Variants in CTNNA2 observed in about 807,000 individuals in gnomAD.
CTNNA2 encodes catenin alpha 2, also known as catenin alpha-2.
Under a neutral mutation model 101.0 loss-of-function variants are expected in CTNNA2, and 42 were observed. The observed-to-expected ratio is 0.42, with a 90% CI of 0.32 to 0.54. The LOEUF is 0.54. Ranked by LOEUF, CTNNA2 falls within the 20% of genes least tolerant of loss-of-function variation. The pLI is 0.14. For synonymous variants in CTNNA2, 450 were observed against 456.4 expected (o/e 0.99, Z 0.18); for missense variants, 871 against 1,223.1 (o/e 0.71, Z 4.29).
chr2:79,745,634 C>G (rs796320317), intron 3 of CTNNA2, among the ~76,000 whole-genome samples: 1 of 152,194 alleles, frequency 6.6e-6, no homozygotes, highest in Non-Finnish European at 1.5e-5. Context: ...CTTTCTTTTT[C>G]TATGAATTTG....
intron 3 of CTNNA2, among the ~76,000 whole-genome samples, chr2:79,349,937 G>T (rs1323021499): frequency 6.6e-6 from 1 of 151,904 alleles, no homozygotes; most frequent in South Asian, 2.1e-4. Flanking sequence ...AGCCAGGCGT[G>T]GTGGCGGGCG....
chr2:79,413,556 T>C (rs1444025460), intron 4 of CTNNA2, among the ~76,000 whole-genome samples: 1 of 152,094 alleles, frequency 6.6e-6, no homozygotes, highest in Non-Finnish European at 1.5e-5. Context: ...ACATATTCAT[T>C]TCATTTCTTT....
intron 5 of CTNNA2, among the ~76,000 whole-genome samples, chr2:79,872,503 A>G (rs1323777009): frequency 6.6e-6 from 1 of 152,212 alleles, no homozygotes; most frequent in Non-Finnish European, 1.5e-5. Flanking sequence ...ATCATTGCCC[A>G]GTAGAGAATA....
intron 9 of CTNNA2, among the ~76,000 whole-genome samples, chr2:80,449,177 C>T (rs375336790): frequency 4.6e-5 from 7 of 151,932 alleles, no homozygotes; most frequent in African/African-American, 1.7e-4. Context: ...TCTGAGAGGC[C>T]GAGGCAGGAG....
chr2:80,507,846 A>C (rs17261683), intron 9 of CTNNA2, among the ~76,000 whole-genome samples: 32,268 of 152,156 alleles, frequency 0.21, 3,850 homozygotes, highest in Middle Eastern at 0.28. Flanking sequence ...AACAAATTTG[A>C]GTCAAATAGA....
At chr2:80,168,255 A>T (rs1170970300) in intron 7 of CTNNA2, among the ~76,000 whole-genome samples, 1 of 152,144 alleles carries the variant, frequency 6.6e-6, no homozygotes, top group Non-Finnish European at 1.5e-5. Flanking sequence ...ATGATCCTGG[A>T]AGACTCTCTG....
At chr2:80,235,532 G>C (rs1429446225) in intron 7 of CTNNA2, among the ~76,000 whole-genome samples, 2 of 152,228 alleles carry the variant, frequency 1.3e-5, no homozygotes, top group African/African-American at 4.8e-5. Context: ...TGGCTCCTTT[G>C]TGTCAGTTGG....
At chr2:79,725,121 G>A (rs958248112) in intron 2 of CTNNA2, among the ~76,000 whole-genome samples, 2 of 152,142 alleles carry the variant, frequency 1.3e-5, no homozygotes, top group African/African-American at 4.8e-5. Flanking sequence ...TCAATTCCAT[G>A]ATGATATATG....
intron 2 of CTNNA2, among the ~76,000 whole-genome samples, chr2:79,218,039 C>A (rs551403473): frequency 6.6e-6 from 1 of 152,350 alleles, no homozygotes; most frequent in Non-Finnish European, 1.5e-5. Flanking sequence ...TCAGGCAATT[C>A]ACTTAAAGTG....
At chr2:80,642,875 A>T (rs1335169995) in intron 18 of CTNNA2, among the ~76,000 whole-genome samples, 1 of 152,176 alleles carries the variant, frequency 6.6e-6, no homozygotes, top group African/African-American at 2.4e-5. Flanking sequence ...CTTTCTGCCC[A>T]TTCAAAACAC....
intron 3 of CTNNA2, among the ~76,000 whole-genome samples, chr2:79,749,078 A>C (rs1671834656): frequency 2.0e-5 from 3 of 152,128 alleles, no homozygotes. Context: ...TTCACGTATC[A>C]CCATTTACCT....
At chr2:79,359,433 T>C (rs1677577381) in intron 3 of CTNNA2, among the ~76,000 whole-genome samples, 1 of 152,154 alleles carries the variant, frequency 6.6e-6, no homozygotes, top group Non-Finnish European at 1.5e-5. Context: ...TCAAAAATGG[T>C]GTCTGAGATT....
At chr2:80,059,675 C>T (rs1021970008) in intron 7 of CTNNA2, among the ~76,000 whole-genome samples, 1 of 152,216 alleles carries the variant, frequency 6.6e-6, no homozygotes, top group Non-Finnish European at 1.5e-5. Context: ...GGAGTCAAGA[C>T]AGTGGCGGCA....
intron 4 of CTNNA2, among the ~76,000 whole-genome samples, chr2:79,414,803 C>T (rs1167106723): frequency 6.6e-6 from 1 of 152,028 alleles, no homozygotes; most frequent in Non-Finnish European, 1.5e-5. Flanking sequence ...CATTAACCAC[C>T]ACACAGGGGA....
At chr2:80,099,845 A>G (rs1167697860) in intron 7 of CTNNA2, among the ~76,000 whole-genome samples, 3 of 152,170 alleles carry the variant, frequency 2.0e-5, no homozygotes, top group Non-Finnish European at 2.9e-5. Flanking sequence ...GGAAGAACCA[A>G]GAGAGACAGT....
At chr2:80,298,731 G>A (rs1219340536) in intron 7 of CTNNA2, 1 of 152,206 alleles carries the variant, frequency 6.6e-6, no homozygotes, top group East Asian at 1.9e-4. Context: ...GAGTTCAGAA[G>A]AATATTTTTA....
At chr2:79,197,123 T>C (rs188504676) in intron 1 of CTNNA2, among the ~76,000 whole-genome samples, 90 of 152,312 alleles carry the variant, frequency 5.9e-4, no homozygotes, top group African/African-American at 2.0e-3. Flanking sequence ...CAATATTATC[T>C]CTTTTTCCTG....
intron 4 of CTNNA2, among the ~76,000 whole-genome samples, chr2:79,473,125 G>T (rs548602608): frequency 6.6e-6 from 1 of 152,188 alleles, no homozygotes; most frequent in East Asian, 1.9e-4. Flanking sequence ...CAAGAAAATG[G>T]AGGCTTTGTC....
intron 18 of CTNNA2, among the ~76,000 whole-genome samples, chr2:80,624,781 T>C (rs1437054103): frequency 2.0e-5 from 3 of 151,914 alleles, no homozygotes; most frequent in Non-Finnish European, 4.4e-5. Flanking sequence ...CTAGAATCAG[T>C]TGACTGGTAG....
Sources: gnomAD v4.1 joint callset for allele counts (sites outside exome capture counted in the v4.1 genomes callset) on GRCh38, gnomAD v4.1.1 for gene constraint, MANE v1.5 for transcripts, NCBI Gene and HGNC (gene_info 2026-07-23, HGNC 2026-07-21) for gene names.